BYSL: variants seen among roughly 807,000 people sequenced by gnomAD.
The protein encoded by BYSL is bystin.
A neutral mutation model predicts 45.4 loss-of-function variants in BYSL; 21 were observed. The ratio of observed to expected loss-of-function variants is 0.46; its 90% CI spans 0.33 to 0.67. BYSL has a LOEUF of 0.67. Ranked by LOEUF, BYSL falls within the 30% of genes least tolerant of loss-of-function variation. The pLI is 0.02. For synonymous variants in BYSL, 215 were observed against 231.3 expected (o/e 0.93, Z 0.64); for missense variants, 522 against 578.5 (o/e 0.90, Z 1.00).
chr6:41,913,049 A>G, the BYSL span: 1 of 151,212 alleles, frequency 6.6e-6, no homozygotes, highest in African/African-American at 2.4e-5. Flanking sequence ...GGTCGAGGCA[A>G]TAGTGAGCTA....
upstream of BYSL, chr6:41,916,679 T>TG (rs2127380058): frequency 2.1e-6 from 3 of 1,409,204 alleles, no homozygotes; most frequent in East Asian, 6.9e-5. Flanking sequence ...TCGCCACATG[T>TG]TTAAGAATAC....
At position 41,931,804 on chromosome 6, in the gene BYSL, G is replaced by T. The variant is rs200658248; in HGVS notation, c.942G>T (p.Lys314Asn). The T allele has an allele frequency of 2.5e-6, 4 of 1,614,100 alleles. No homozygotes were observed. Among genetic ancestry groups the T allele is most frequent in the Non-Finnish European group, 3.4e-6 (4 of 1,180,014 alleles). The part of the protein sequence containing the change: ...EAIIVGSIIT[K>N]CSIPVLHSSA... The stretch of plus-strand genomic sequence containing the variant: ...TCATTGTGGGTAGCATCATCACCAA[G>T]TGCTCCATCCCTGTGTTGCACTCCA... Residue 314 changes from lysine to asparagine, a missense_variant, in exon 6 of 7, where the codon AAG becomes AAT. Lys to Asn is a moderately conservative substitution (Grantham distance 94). Transcript: ENST00000230340.
chr6:41,918,468 C>A (rs1775372482), upstream of BYSL, among the ~76,000 whole-genome samples: 1 of 151,198 alleles, frequency 6.6e-6, no homozygotes, highest in South Asian at 2.1e-4. Context: ...CGCACCACTG[C>A]CCTCCAGCCT....
At chr6:41,927,650 T>G in intron 2 of BYSL, 114 bp downstream of exon 2, 3 of 1,319,644 alleles carry the variant, frequency 2.3e-6, no homozygotes, top group Non-Finnish European at 3.1e-6. Context: ...AGTTGCTAGC[T>G]GTAGGGGACC....
At position 41,932,222 on chromosome 6, in the gene BYSL, G is replaced by A. The variant is rs1442121609; in HGVS notation, c.969-139G>A. ...AAGGGAGTATAATATGATTGTGTAG[G>A]TGAGAAGGTCCCTGGGGAATACCAT... On this transcript the variant is annotated intron_variant, in intron 6 of 6. Transcript: ENST00000230340. This position sits in a 1 kb window ranked among gnomAD's most constrained non-coding sequence, Gnocchi z 4.7. 2.8e-5 allele frequency: 23 copies of A among 808,954 alleles called. No individual in the cohort carries two copies. The East Asian group carries it at 4.6e-4, about 16-fold the overall frequency. The allele number at this position is 808,954 out of a possible 1,614,324, so 50.1% of individuals were successfully genotyped here.
the BYSL span, among the ~76,000 whole-genome samples, chr6:41,911,981 A>C: frequency 1.3e-5 from 2 of 152,028 alleles, no homozygotes; most frequent in Non-Finnish European, 2.9e-5. Context: ...AAAGTCAACT[A>C]AGGGGTGTGT....
chr6:41,916,797 G>C (rs1159523363), upstream of BYSL: 1 of 1,613,898 alleles, frequency 6.2e-7, no homozygotes, highest in African/African-American at 1.3e-5. Context: ...TGGCTGCCAA[G>C]GGTAGAGGCG....
At chr6:41,924,415 T>C (rs543886378) in intron 1 of BYSL, among the ~76,000 whole-genome samples, 1 of 152,354 alleles carries the variant, frequency 6.6e-6, no homozygotes, top group African/African-American at 2.4e-5. Flanking sequence ...TGTTTATTTA[T>C]GTCTGTCTCT....
At chr6:41,918,145 G>A (rs1473693503), upstream of BYSL, among the ~76,000 whole-genome samples, 9 of 152,176 alleles carry the variant, frequency 5.9e-5, no homozygotes, top group Admixed American at 1.3e-4. Flanking sequence ...AAGGCCTTTA[G>A]ATGAATTAAC....
chr6:41,924,227 A>ATT (rs57469455), intron 1 of BYSL, among the ~76,000 whole-genome samples: 1,457 of 144,888 alleles, frequency 0.01, 36 homozygotes, highest in African/African-American at 0.036. Flanking sequence ...CACCCAGCTA[A>ATT]TTTTTTTTTT....
the BYSL span, among the ~76,000 whole-genome samples, chr6:41,914,732 A>G: frequency 6.6e-6 from 1 of 151,992 alleles, no homozygotes; most frequent in South Asian, 2.1e-4. Flanking sequence ...AAAAAAAAAA[A>G]AAGTCCTCTC....
chr6:41,909,600 G>C, the BYSL span: 1 of 1,565,382 alleles, frequency 6.4e-7, no homozygotes, highest in Non-Finnish European at 8.7e-7. Flanking sequence ...GACTCCCCCC[G>C]GAATGAGGCC....
At chr6:41,925,674 A>T (rs1369396456) in intron 1 of BYSL, among the ~76,000 whole-genome samples, 1 of 134,286 alleles carries the variant, frequency 7.4e-6, no homozygotes, top group African/African-American at 2.8e-5. Context: ...ATTTATTTTT[A>T]TTTATTTATT....
chr6:41,909,043 C>T, the BYSL span: 6 of 524,464 alleles, frequency 1.1e-5, no homozygotes, highest in South Asian at 7.6e-5. Flanking sequence ...AAATTTAATT[C>T]GGTGGGTGTA....
chr6:41,920,901 G>A (rs1383633120), upstream of BYSL: 14 of 1,457,094 alleles, frequency 9.6e-6, no homozygotes, highest in Admixed American at 1.5e-4. Context: ...ACAACCCGAG[G>A]ACATCTCCCT....
chr6:41,928,844 T>C (rs1561944638), intron 2 of BYSL, among the ~76,000 whole-genome samples: 1 of 152,194 alleles, frequency 6.6e-6, no homozygotes, highest in Non-Finnish European at 1.5e-5. Context: ...TAAGTTTCCG[T>C]GTCCTATAAG....
chr6:41,927,359 T>G lies in BYSL; in HGVS notation c.269-15T>G, dbSNP rs755437465. ...CCTTTTGCTGTGCTCATCCATTTAG[T>G]CTCCCCTCTTCTAGGTCCAAGAATG... On this transcript the variant is annotated splice_polypyrimidine_tract_variant and intron_variant, in intron 1 of 6. Transcript: ENST00000230340. 1.2e-6 allele frequency: 2 copies of G among 1,613,258 alleles called. No homozygotes were observed. The highest frequency in any genetic ancestry group is 4.5e-5 in the East Asian group (2 of 44,844).
At chr6:41,928,542 C>T (rs1033133199) in intron 2 of BYSL, among the ~76,000 whole-genome samples, 3 of 152,156 alleles carry the variant, frequency 2.0e-5, no homozygotes, top group Admixed American at 6.5e-5. Context: ...ATAATGCTGA[C>T]CAATTTAGCA....
upstream of BYSL, among the ~76,000 whole-genome samples, chr6:41,917,203 A>C (rs1430382096): frequency 2.0e-5 from 3 of 152,028 alleles, no homozygotes; most frequent in Admixed American, 6.6e-5. Flanking sequence ...AGTTCAAGAC[A>C]AGCCTGGCCA....
Sources: allele counts gnomAD v4.1 joint callset (sites outside exome capture counted in the v4.1 genomes callset), GRCh38; gene constraint gnomAD v4.1.1; non-coding constraint Gnocchi (gnomAD v3.1); transcripts MANE v1.5; gene names NCBI Gene and HGNC (gene_info 2026-07-23, HGNC 2026-07-21).